CEP63: variants seen among roughly 807,000 people sequenced by gnomAD.
CEP63 encodes the protein centrosomal protein of 63 kDa.
A neutral mutation model predicts 89.1 loss-of-function variants in CEP63; 84 were observed. The observed-to-expected ratio is 0.94, with a 90% CI of 0.79 to 1.13. The LOEUF is 1.13. Among genes scored for constraint, CEP63 ranks in the 50% most tolerant of loss-of-function variants. The pLI, the probability that CEP63 is intolerant of heterozygous loss-of-function variation, is 0.00. For missense variants in CEP63, 838 were observed against 813.3 expected (o/e 1.03, Z -0.37); for synonymous variants, 267 against 272.5 (o/e 0.98, Z 0.20).
chr3:134,662,646 C>T, the CEP63 span, among the ~76,000 whole-genome samples: 1 of 152,192 alleles, frequency 6.6e-6, no homozygotes, highest in African/African-American at 2.4e-5. Context: ...ACACAAAGAA[C>T]AGGGCTAGTT....
chr3:134,624,515 C>T, the CEP63 span, among the ~76,000 whole-genome samples: 1 of 152,212 alleles, frequency 6.6e-6, no homozygotes, highest in African/African-American at 2.4e-5. Context: ...TGCCTGGCTC[C>T]AATGACTTCC....
the CEP63 span, among the ~76,000 whole-genome samples, chr3:134,688,950 T>C: frequency 1.3e-5 from 2 of 152,354 alleles, no homozygotes; most frequent in Admixed American, 1.3e-4. Flanking sequence ...GCTTCTGGCT[T>C]GGAGACCCTG....
the CEP63 span, among the ~76,000 whole-genome samples, chr3:134,780,849 C>T: frequency 6.6e-6 from 1 of 152,170 alleles, no homozygotes; most frequent in Non-Finnish European, 1.5e-5. Context: ...ATGACATTCT[C>T]CTCCTTACAG....
intron 12 of CEP63, among the ~76,000 whole-genome samples, chr3:134,556,638 A>AT (rs779387684): frequency 1.3e-5 from 2 of 152,182 alleles, no homozygotes; most frequent in Non-Finnish European, 2.9e-5. Context: ...ATCTGTTCAT[A>AT]TTTAAGAATT....
the CEP63 span, chr3:134,619,034 CAG>C: frequency 2.5e-6 from 2 of 813,162 alleles, no homozygotes; most frequent in Admixed American, 2.0e-5. Flanking sequence ...GGTTCCAGAG[CAG>C]AGTTTGTAAA....
intron 11 of CEP63, among the ~76,000 whole-genome samples, chr3:134,570,856 T>G (rs903798092): frequency 6.6e-6 from 1 of 152,160 alleles, no homozygotes; most frequent in African/African-American, 2.4e-5. Context: ...TGGGAAAGCC[T>G]CACAATCATG....
At chr3:134,623,332 C>T in the CEP63 span, among the ~76,000 whole-genome samples, 1 of 152,178 alleles carries the variant, frequency 6.6e-6, no homozygotes, top group African/African-American at 2.4e-5. Flanking sequence ...CCAGACCCCA[C>T]CCACTTTCCT....
At chr3:134,554,915 A>ACTTTTTGATG (rs1427631314) in intron 12 of CEP63, among the ~76,000 whole-genome samples, 5 of 151,816 alleles carry the variant, frequency 3.3e-5, no homozygotes, top group Admixed American at 3.3e-4. Flanking sequence ...TCCTTTGCCC[A>ACTTTTTGATG]CTTTTTGATG....
chr3:134,634,458 AT>A, the CEP63 span, among the ~76,000 whole-genome samples: 4 of 152,244 alleles, frequency 2.6e-5, no homozygotes, highest in Non-Finnish European at 5.9e-5. Flanking sequence ...AGCAAAATAA[AT>A]TTTTACAAAA....
At chr3:134,692,092 AT>A in the CEP63 span, among the ~76,000 whole-genome samples, 2,596 of 139,176 alleles carry the variant, frequency 0.019, 70 homozygotes, top group African/African-American at 0.063. Context: ...AGGCAGCTAG[AT>A]TTTTTTTTTA....
chr3:134,486,329 T>C (rs921869286), intron 1 of CEP63, 127 bp downstream of exon 1: 4 of 985,466 alleles, frequency 4.1e-6, no homozygotes, highest in Admixed American at 6.1e-5. Context: ...TGATTCTGGC[T>C]TCGCGGCCTC....
chr3:134,573,989 A>G (rs548985947), intron 11 of CEP63, among the ~76,000 whole-genome samples: 1 of 152,118 alleles, frequency 6.6e-6, no homozygotes, highest in Non-Finnish European at 1.5e-5. Context: ...TTGGAAGAAG[A>G]CCAGGTTTGA....
chr3:134,696,629 T>C, the CEP63 span, among the ~76,000 whole-genome samples: 21 of 152,128 alleles, frequency 1.4e-4, no homozygotes, highest in African/African-American at 4.6e-4. Flanking sequence ...CAACTAAGCA[T>C]TGGTGGTATT....
chr3:134,510,114 T>C (rs1944484191), intron 3 of CEP63, among the ~76,000 whole-genome samples: 1 of 152,234 alleles, frequency 6.6e-6, no homozygotes, highest in South Asian at 2.1e-4. Context: ...ACAATCAGAA[T>C]GGAGCATCTC....
intron 1 of CEP63, among the ~76,000 whole-genome samples, chr3:134,486,867 A>G (rs1382980803): frequency 1.3e-5 from 2 of 152,212 alleles, no homozygotes; most frequent in African/African-American, 4.8e-5. Flanking sequence ...GATAGAAAGA[A>G]ATAAGGACGG....
In CEP63 at chr3:134,564,547, CAT is replaced by C. The variant is rs1957635909; in HGVS notation, c.*3014_*3015del. 7 of 985,414 alleles carry C rather than the reference CAT, an allele frequency of 7.1e-6. No homozygotes were observed. Among genetic ancestry groups the C allele is most frequent in the Non-Finnish European group, 7.2e-6 (6 of 829,910 alleles). 61.0% of individuals were successfully genotyped at this position (985,414 alleles called of 1,614,324 possible). On this transcript the variant is annotated 3_prime_UTR_variant, in exon 15 of 15. Transcript: ENST00000675561. ...TCCTCAGTCAGCATGCTGCCTAACA[CAT>C]AACAGATCCTAAGCAAATATTGGGT... is the stretch of plus-strand genomic sequence containing the variant.
At chr3:134,573,448 C>T (rs1958098147) in intron 11 of CEP63, among the ~76,000 whole-genome samples, 1 of 152,146 alleles carries the variant, frequency 6.6e-6, no homozygotes, top group African/African-American at 2.4e-5. Flanking sequence ...GGTAAGGGTC[C>T]AGTTTCAATC....
chr3:134,711,089 C>T, the CEP63 span, among the ~76,000 whole-genome samples: 1 of 152,148 alleles, frequency 6.6e-6, no homozygotes, highest in East Asian at 1.9e-4. Flanking sequence ...ACCCTCCACT[C>T]TTCTCTTCCC....
intron 3 of CEP63, among the ~76,000 whole-genome samples, chr3:134,531,024 C>A (rs1488674935): frequency 6.6e-6 from 1 of 152,156 alleles, no homozygotes; most frequent in African/African-American, 2.4e-5. Context: ...GGTATCAAAT[C>A]ATTGAAAAGT....
Sources: allele counts gnomAD v4.1 joint callset (sites outside exome capture counted in the v4.1 genomes callset), GRCh38; gene constraint gnomAD v4.1.1; transcripts MANE v1.5; gene names NCBI Gene and HGNC (gene_info 2026-07-23, HGNC 2026-07-21).